Variants in PATJ observed in about 807,000 individuals in gnomAD.
PATJ encodes the protein inaD-like protein.
Under a neutral mutation model 224.9 loss-of-function variants are expected in PATJ, and 190 were observed. The ratio of observed to expected loss-of-function variants is 0.84; its 90% confidence interval spans 0.75 to 0.95. The LOEUF (loss-of-function observed/expected upper bound fraction) is 0.95, where lower values mean the gene tolerates loss of function less well. Among genes scored for constraint, PATJ ranks in the 40% least tolerant of loss-of-function variants. The probability of loss-of-function intolerance (pLI) is 0.00; values close to 1 mark genes in which losing one functional copy is unlikely to be tolerated. For missense variants in PATJ, 2,121 were observed against 2,270.3 expected, an observed-to-expected ratio of 0.93 and a Z score of 1.34; for synonymous variants, 769 against 820.3, an observed-to-expected ratio of 0.94 and a Z score of 1.07.
Position 61,775,316 on chromosome 1 carries a change from T to C in PATJ, c.831T>C (p.Pro277=), listed in dbSNP as rs770890477. Residue 277 remains proline (P), a synonymous_variant, in exon 7 of 44, where the codon CCT becomes CCC. Transcript: ENST00000642238. ...TSGVVVRTIV[P]GGLADRDGRL... ...GCGTGGTTGTGAGGACTATAGTTCC[T>C]GGAGGATTAGCAGATCGAGTAAGTC... 56 of 1,612,126 alleles carry C rather than the reference T, an allele frequency of 3.5e-5. No individual in the cohort carries two copies. The highest frequency in any genetic ancestry group is 4.6e-5 in the Non-Finnish European group (54 of 1,179,364).
intron 37 of PATJ, among the ~76,000 whole-genome samples, chr1:62,119,434 A>C (rs1205670120): frequency 2.6e-5 from 4 of 152,180 alleles, no homozygotes; most frequent in African/African-American, 7.2e-5. Context: ...CCTTCTTTTG[A>C]GCGCTAAGGA....
chr1:61,863,542 C>T (rs1664959960), intron 19 of PATJ, among the ~76,000 whole-genome samples: 1 of 152,176 alleles, frequency 6.6e-6, no homozygotes, highest in South Asian at 2.1e-4. Context: ...ATGGTCTGAG[C>T]AAATCTATAT....
At chr1:61,860,586 G>A (rs954074070) in intron 18 of PATJ, among the ~76,000 whole-genome samples, 3 of 152,168 alleles carry the variant, frequency 2.0e-5, no homozygotes, top group African/African-American at 4.8e-5. Flanking sequence ...CACTTTGGGA[G>A]GCGGAGGCGG....
rs1427658272 is a variant in PATJ, at chr1:61,797,392, T to C, written c.1366T>C (p.Ser456Pro). The C allele has an allele frequency of 1.2e-6, 2 of 1,613,838 alleles. No homozygotes were observed. The highest frequency in any genetic ancestry group is 2.2e-5 in the South Asian group (2 of 91,062). ...AACCCTAGTTCGAAGGAAGACATCC[T>C]CATCTACTTCTCCACTTGAACCACC... ...HLTLVRRKTS[S>P]STSPLEPPSD... Residue 456 changes from serine to proline, a missense_variant, in exon 11 of 44, where the codon TCA (serine) becomes CCA (proline). Coordinates refer to ENST00000642238, the MANE Select transcript of PATJ (RefSeq NM_001350145.3).
rs147162335 is a variant in PATJ, at chr1:62,085,580, C to T, written c.4377+932C>T. 4.4e-3 allele frequency among the ~76,000 whole-genome samples: 674 copies of T among 151,994 alleles called. 1 individual carries two copies. The highest frequency in any genetic ancestry group is 0.015 in the African/African-American group (631 of 41,484). ...GTATACATCAGGCCAGCATGGTAACCGAGGCAGGTGGATAGCTTGAGGCCA... is the reference window on the plus strand; with the variant it reads ...GTATACATCAGGCCAGCATGGTAACTGAGGCAGGTGGATAGCTTGAGGCCA... On this transcript the variant is annotated intron_variant, in intron 33 of 43. Transcript: ENST00000642238.
At chr1:61,812,433 AGTGTGTGTGTGT>A (rs71050167) in intron 14 of PATJ, among the ~76,000 whole-genome samples, 1 of 85,148 alleles carries the variant, frequency 1.2e-5, no homozygotes, top group African/African-American at 4.5e-5. Context: ...AGAGAGAGAG[AGTGTGTGTGTGT>A]GTGTGTGTGT....
At chr1:61,766,782 A>C (rs955455075) in intron 4 of PATJ, among the ~76,000 whole-genome samples, 2 of 152,164 alleles carry the variant, frequency 1.3e-5, no homozygotes, top group African/African-American at 4.8e-5. Context: ...AATTGAACAC[A>C]TCTCTATTCT....
chr1:61,987,290 T>A lies in PATJ; in HGVS notation c.3671-2878T>A, dbSNP rs59164885. Among the ~76,000 whole-genome samples the A allele has an allele frequency of 1.9e-3, 292 of 152,324 alleles. 2 individuals carry two copies. The highest frequency in any genetic ancestry group is 6.6e-3 in the African/African-American group (275 of 41,580). On this transcript the variant is annotated intron_variant, in intron 27 of 43. Transcript: ENST00000642238. ...CCCAATATGCAGTCTGTTTCTGTAC[T>A]TGTTCTGTGTGTGAGTTGCAAAAAA...
chr1:61,774,372 A>G (rs1015025295), intron 6 of PATJ, among the ~76,000 whole-genome samples: 10 of 152,186 alleles, frequency 6.6e-5, no homozygotes, highest in Non-Finnish European at 4.4e-5. Flanking sequence ...CAGGTGGATT[A>G]TGTGAAGTAA....
At chr1:61,818,607 A>G (rs78966314) in intron 14 of PATJ, among the ~76,000 whole-genome samples, 2,219 of 152,364 alleles carry the variant, frequency 0.015, 47 homozygotes, top group African/African-American at 0.049. Context: ...ATTTAGATTC[A>G]GAACTAATAT....
At chr1:61,890,046 TAGG>T (rs1250036480) in intron 22 of PATJ, among the ~76,000 whole-genome samples, 1 of 152,186 alleles carries the variant, frequency 6.6e-6, no homozygotes, top group East Asian at 1.9e-4. Flanking sequence ...TCTCAGACAT[TAGG>T]AGGTCTGTGG....
chr1:61,810,739 TAAATAAAC>T (rs952485637), intron 14 of PATJ, among the ~76,000 whole-genome samples: 7 of 132,180 alleles, frequency 5.3e-5, no homozygotes, highest in African/African-American at 2.0e-4. Flanking sequence ...AATAAATAAA[TAAATAAAC>T]CCAGTCTGTA....
At chr1:61,937,074 C>T (rs1386101015) in intron 27 of PATJ, among the ~76,000 whole-genome samples, 1 of 152,080 alleles carries the variant, frequency 6.6e-6, no homozygotes, top group Non-Finnish European at 1.5e-5. Flanking sequence ...TAAACCTACT[C>T]CCCAGAAAAA....
intron 26 of PATJ, among the ~76,000 whole-genome samples, chr1:61,921,788 G>A (rs1674377224): frequency 2.6e-5 from 4 of 152,146 alleles, no homozygotes; most frequent in Non-Finnish European, 2.9e-5. Context: ...GGTGTCAGGG[G>A]AAGAGGTGGG....
At chr1:61,914,226 C>T (rs561972689) in intron 25 of PATJ, among the ~76,000 whole-genome samples, 38 of 152,254 alleles carry the variant, frequency 2.5e-4, no homozygotes, top group Non-Finnish European at 4.7e-4. Flanking sequence ...GAGGCTGAGG[C>T]GGGCGGATCA....
At chr1:62,039,986 C>T (rs1651159562) in intron 30 of PATJ, among the ~76,000 whole-genome samples, 1 of 151,930 alleles carries the variant, frequency 6.6e-6, no homozygotes, top group Admixed American at 6.6e-5. Context: ...CAGCCAACCT[C>T]CTGGTGAGTG....
At chr1:62,107,919 G>A in intron 33 of PATJ, among the ~76,000 whole-genome samples, 1 of 152,086 alleles carries the variant, frequency 6.6e-6, no homozygotes, top group African/African-American at 2.4e-5. Context: ...TGAACCCATG[G>A]CTGTTTCACA....
At chr1:62,093,538 T>C (rs1442506628) in intron 33 of PATJ, among the ~76,000 whole-genome samples, 1 of 152,256 alleles carries the variant, frequency 6.6e-6, no homozygotes, top group Non-Finnish European at 1.5e-5. Context: ...GCTTAAGTCA[T>C]ATATTTTTAT....
chr1:62,131,614 C>T (rs1030701706), intron 41 of PATJ, among the ~76,000 whole-genome samples: 2 of 151,720 alleles, frequency 1.3e-5, no homozygotes, highest in Admixed American at 6.6e-5. Context: ...CCCCATTGCA[C>T]CCCAGCATGG....
Sources: gnomAD v4.1 joint callset for allele counts (sites outside exome capture counted in the v4.1 genomes callset) on GRCh38, gnomAD v4.1.1 for gene constraint, MANE v1.5 for transcripts, NCBI Gene and HGNC (gene_info 2026-07-23, HGNC 2026-07-21) for gene names.